The following PDE4B variants were observed in gnomAD, a reference collection of about 807,000 sequenced individuals.
PDE4B encodes 3',5'-cyclic-AMP phosphodiesterase 4B.
Under a neutral mutation model 82.2 loss-of-function variants are expected in PDE4B, and 20 were observed. That is an observed-to-expected ratio of 0.24 (90% CI 0.17 to 0.35). PDE4B has a LOEUF of 0.35. Among genes scored for constraint, PDE4B ranks in the 10% least tolerant of loss-of-function variants. The pLI is 1.00. For missense variants in PDE4B, 655 were observed against 907.2 expected (o/e 0.72, Z 3.57); for synonymous variants, 320 against 318.9 (o/e 1.00, Z -0.04).
chr1:65,849,258 CA>C (rs989189610), intron 1 of PDE4B, among the ~76,000 whole-genome samples: 3 of 152,134 alleles, frequency 2.0e-5, no homozygotes, highest in African/African-American at 7.2e-5. Context: ...GAGAGATACT[CA>C]AGGAGGGGTT....
chr1:66,311,934 T>C (rs1658701105), intron 7 of PDE4B, among the ~76,000 whole-genome samples: 1 of 152,170 alleles, frequency 6.6e-6, no homozygotes, highest in Admixed American at 6.5e-5. Flanking sequence ...TATCTTTACC[T>C]TCATACAGAG....
chr1:66,196,853 A>G (rs779519467), intron 3 of PDE4B, among the ~76,000 whole-genome samples: 2 of 151,734 alleles, frequency 1.3e-5, no homozygotes, highest in Non-Finnish European at 2.9e-5. Flanking sequence ...AGATATACCT[A>G]ATGCTAGATG....
At chr1:65,820,846 C>T (rs1234010875) in intron 1 of PDE4B, among the ~76,000 whole-genome samples, 1 of 152,172 alleles carries the variant, frequency 6.6e-6, no homozygotes. Context: ...TCCACTTTCA[C>T]TCCTAGGAAA....
intron 3 of PDE4B, among the ~76,000 whole-genome samples, chr1:66,050,005 A>AAGAC (rs1227366727): frequency 6.6e-6 from 1 of 152,102 alleles, no homozygotes; most frequent in African/African-American, 2.4e-5. Context: ...ATAATTCAAA[A>AAGAC]AGACAGTAGT....
chr1:66,296,118 C>T (rs1047718055), intron 7 of PDE4B, among the ~76,000 whole-genome samples: 7 of 152,096 alleles, frequency 4.6e-5, no homozygotes, highest in South Asian at 2.1e-4. Context: ...CCTGAGCATC[C>T]GGGGCTTATC....
chr1:66,354,712 T>G, intron 8 of PDE4B: 1 of 1,432,310 alleles, frequency 7.0e-7, no homozygotes, highest in East Asian at 2.6e-5. Flanking sequence ...ATTTTGGAGG[T>G]TTTTGTCTTT....
At chr1:66,023,295 C>G (rs1653245301) in intron 3 of PDE4B, among the ~76,000 whole-genome samples, 1 of 152,130 alleles carries the variant, frequency 6.6e-6, no homozygotes, top group Non-Finnish European at 1.5e-5. Context: ...GGCCTTCACA[C>G]CAGATCTTAG....
chr1:66,334,224 A>G (rs866477579), intron 8 of PDE4B, among the ~76,000 whole-genome samples: 2 of 152,348 alleles, frequency 1.3e-5, no homozygotes, highest in Middle Eastern at 3.4e-3. Context: ...AGTCACCAAA[A>G]TATACTAACT....
chr1:65,829,267 A>C (rs1646054067), intron 1 of PDE4B, among the ~76,000 whole-genome samples: 1 of 152,192 alleles, frequency 6.6e-6, no homozygotes, highest in Non-Finnish European at 1.5e-5. Context: ...AAGAAGATAT[A>C]ATCCTGAATG....
rs147764114 is a variant in PDE4B at position 66,118,725 on chromosome 1, A to C, written c.282-128735A>C. 3.8e-3 allele frequency among the ~76,000 whole-genome samples: 574 copies of C among 152,276 alleles called. 3 individuals carry two copies. The highest frequency in any genetic ancestry group is 0.013 in the African/African-American group (528 of 41,548). ...AAACTTAAAATATAATTAAAAAAAA[A>C]CCAAACCCTATTATTTCATTGACAG... On this transcript the variant is annotated intron_variant, in intron 3 of 16. Transcript: ENST00000341517.
At position 66,114,944 on chromosome 1, in the gene PDE4B, A is replaced by T. The variant is rs188372639; in HGVS notation, c.282-132516A>T. ...AGCCACCACACCCAGTCATATAAAA[A>T]ATATGGAGTTGAATTTTATCCAGTG... On this transcript the variant is annotated intron_variant, in intron 3 of 16. Coordinates refer to ENST00000341517, the MANE Select transcript of PDE4B (RefSeq NM_002600.4). Among the ~76,000 whole-genome samples, 146 of 152,302 alleles carry T rather than the reference A, an allele frequency of 9.6e-4. 1 individual carries two copies. Among genetic ancestry groups the T allele is most frequent in the East Asian group, 1.9e-4 (1 of 5,184 alleles).
In PDE4B at chr1:66,128,434, G is replaced by C. The variant is rs76477351; in HGVS notation, c.282-119026G>C. Among the ~76,000 whole-genome samples the C allele has an allele frequency of 9.3e-3, 1,410 of 152,308 alleles. 29 individuals are homozygous for C. The highest frequency in any genetic ancestry group is 0.032 in the African/African-American group (1,341 of 41,562). On this transcript the variant is annotated intron_variant, in intron 3 of 16. Coordinates refer to ENST00000341517, the MANE Select transcript of PDE4B (RefSeq NM_002600.4). ...AGAGTCATAAAATGTACAATTTGGG[G>C]AGAATGTGATTTTCCTCTGACCATT... is the stretch of plus-strand genomic sequence containing the variant.
At chr1:66,015,829 G>T (rs1258562440) in intron 3 of PDE4B, among the ~76,000 whole-genome samples, 2 of 152,198 alleles carry the variant, frequency 1.3e-5, no homozygotes, top group Non-Finnish European at 2.9e-5. Context: ...GACACCTGAA[G>T]TTGGCAGGTG....
intron 7 of PDE4B, among the ~76,000 whole-genome samples, chr1:66,318,910 C>T (rs1451381669): frequency 3.3e-5 from 5 of 152,276 alleles, no homozygotes; most frequent in African/African-American, 1.2e-4. Flanking sequence ...ATATTGATAG[C>T]ACAGTGTAGA....
intron 3 of PDE4B, among the ~76,000 whole-genome samples, chr1:66,101,598 T>A (rs1355600292): frequency 1.3e-5 from 2 of 152,214 alleles, no homozygotes; most frequent in Admixed American, 1.3e-4. Context: ...ATGAGCATTT[T>A]TTCATGTGTC....
intron 3 of PDE4B, among the ~76,000 whole-genome samples, chr1:66,132,796 C>G (rs994312355): frequency 1.3e-5 from 2 of 152,142 alleles, no homozygotes; most frequent in African/African-American, 4.8e-5. Flanking sequence ...CACCAGCATA[C>G]ATTTTTGCAG....
rs117756547 is a variant in PDE4B at position 65,919,651 on chromosome 1, C to T, written c.281+816C>T. On this transcript the variant is annotated intron_variant, in intron 3 of 16. Transcript: ENST00000341517. ...TGCTTTTAAAATCACTTTTTGTTTA[C>T]ATAATTTATCAAGTGAAAGACTAAG... Among the ~76,000 whole-genome samples, 95 of 152,170 alleles carry T rather than the reference C, an allele frequency of 6.2e-4. 1 individual carries two copies. In the East Asian group the frequency reaches 0.017, roughly 27 times the overall value.
chr1:65,938,249 AC>A (rs1648260881), intron 3 of PDE4B, among the ~76,000 whole-genome samples: 1 of 152,064 alleles, frequency 6.6e-6, no homozygotes, highest in African/African-American at 2.4e-5. Context: ...TCTAGTCCCA[AC>A]CCTCTTAACT....
intron 3 of PDE4B, among the ~76,000 whole-genome samples, chr1:66,210,595 CAAAAAAA>C (rs35825766): frequency 4.4e-4 from 20 of 45,826 alleles, no homozygotes; most frequent in South Asian, 3.2e-3. Flanking sequence ...GACTCCATCT[CAAAAAAA>C]AAAAAAAAAA....
Sources: gnomAD v4.1 joint callset for allele counts (sites outside exome capture counted in the v4.1 genomes callset) on GRCh38, gnomAD v4.1.1 for gene constraint, MANE v1.5 for transcripts, NCBI Gene and HGNC (gene_info 2026-07-23, HGNC 2026-07-21) for gene names.